The following NAV2 variants were observed in gnomAD, a reference collection of about 807,000 sequenced individuals.
NAV2 encodes helicase, APC down-regulated 1.
Under a neutral mutation model 223.2 loss-of-function variants are expected in NAV2, and 54 were observed. That is an observed-to-expected ratio of 0.24 (90% CI 0.19 to 0.30). The LOEUF (loss-of-function observed/expected upper bound fraction) is 0.30, where lower values mean the gene tolerates loss of function less well. NAV2 is among the 10% of genes least tolerant of loss of function. NAV2 has a pLI of 1.00. For synonymous variants in NAV2, 1,279 were observed against 1,239.3 expected, an observed-to-expected ratio of 1.03 and a Z score of -0.67; for missense variants, 2,806 against 3,147.5, an observed-to-expected ratio of 0.89 and a Z score of 2.60.
intron 1 of NAV2, among the ~76,000 whole-genome samples, chr11:19,595,768 C>T (rs555318657): frequency 6.6e-6 from 1 of 152,046 alleles, no homozygotes; most frequent in East Asian, 1.9e-4. Flanking sequence ...CACTATGTTG[C>T]CCAGGCTGGT....
chr11:20,013,391 T>C (rs2053733352), intron 11 of NAV2, among the ~76,000 whole-genome samples: 1 of 152,010 alleles, frequency 6.6e-6, no homozygotes, highest in African/African-American at 2.4e-5. Context: ...ATGGAAGGAG[T>C]TTAATTCTTA....
chr11:20,090,579 A>C (rs1203094289), intron 26 of NAV2, among the ~76,000 whole-genome samples: 1 of 152,248 alleles, frequency 6.6e-6, no homozygotes. Context: ...GGAACAAAGA[A>C]AAAGGACAAC....
intron 12 of NAV2, among the ~76,000 whole-genome samples, chr11:20,039,255 C>T (rs2056687832): frequency 6.6e-6 from 1 of 152,208 alleles, no homozygotes; most frequent in Admixed American, 6.5e-5. Context: ...TCTCTCCGAG[C>T]CCCTGCCTCC....
Position 19,880,105 on chromosome 11 carries a change from G to C in NAV2, c.748G>C (p.Ala250Pro), listed in dbSNP as rs1230016493. 6.2e-7 allele frequency: 1 copy of C among 1,601,344 alleles called. No homozygotes were observed. Among genetic ancestry groups the C allele is most frequent in the South Asian group, 1.1e-5 (1 of 89,532 alleles). Residue 250 changes from alanine to proline, a missense_variant, in exon 5 of 38, where the codon GCA (alanine) becomes CCA (proline). Ala to Pro is a conservative substitution (Grantham distance 27). Coordinates refer to ENST00000349880, the MANE Select transcript of NAV2 (RefSeq NM_145117.5). ...HQPAPHQQSK[A>P]QAEMQSRLPG... ...GCCAGCGCCACATCAGCAGTCAAAA[G>C]CACAAGCTGAAATGCAGTCCAGGTG... is the stretch of plus-strand genomic sequence containing the variant.
intron 17 of NAV2, 150 bp from the exon 18 acceptor site, chr11:20,053,930 C>T (rs2058191921): frequency 1.2e-6 from 1 of 805,282 alleles, no homozygotes; most frequent in South Asian, 1.8e-5. Flanking sequence ...TGAGAAACTT[C>T]ATAAGTTTCA....
At chr11:19,948,668 A>G (rs2047136560) in intron 9 of NAV2, 23 bp from the exon 10 acceptor site, 2 of 1,540,880 alleles carry the variant, frequency 1.3e-6, no homozygotes, top group Non-Finnish European at 1.8e-6. Context: ...CTTTGAGTCT[A>G]ATCAGGTTGG....
At chr11:19,386,511 A>T (rs190267485) in intron 1 of NAV2, among the ~76,000 whole-genome samples, 1 of 152,308 alleles carries the variant, frequency 6.6e-6, no homozygotes, top group East Asian at 1.9e-4. Context: ...GAGGCATAAG[A>T]TGCACTCCAA....
intron 1 of NAV2, among the ~76,000 whole-genome samples, chr11:19,447,931 A>G (rs1313867530): frequency 3.9e-5 from 6 of 152,106 alleles, no homozygotes; most frequent in Admixed American, 3.9e-4. Flanking sequence ...AGCTCAGAAC[A>G]CACAAATCCA....
At chr11:20,025,921 G>A (rs1377407378) in intron 11 of NAV2, among the ~76,000 whole-genome samples, 2 of 152,176 alleles carry the variant, frequency 1.3e-5, no homozygotes, top group African/African-American at 2.4e-5. Flanking sequence ...CAACTGACAT[G>A]CATGGACTCT....
In NAV2 at chr11:19,998,531, C is replaced by A. The variant is rs551127898; in HGVS notation, c.2768+14284C>A. 1.3e-4 allele frequency among the ~76,000 whole-genome samples: 20 copies of A among 152,274 alleles called. No individual in the cohort carries two copies. In the South Asian group the frequency reaches 4.1e-3, roughly 32 times the overall value. On this transcript the variant is annotated intron_variant, in intron 11 of 37. Transcript: ENST00000349880. This position sits in a 1 kb window ranked among gnomAD's most constrained non-coding sequence, Gnocchi z 5.0. ...TTGCACCTAGAATAAAGGTCAGACT[C>A]CTTGCCGTGGCCTCCAAGGGGGTGT...
chr11:19,944,509 CT>C (rs2153348601), intron 8 of NAV2, among the ~76,000 whole-genome samples: 1 of 146,606 alleles, frequency 6.8e-6, no homozygotes, highest in African/African-American at 2.5e-5. Context: ...CCTCTTTCCC[CT>C]TTCCCCTTTC....
intron 22 of NAV2, among the ~76,000 whole-genome samples, chr11:20,075,209 G>T (rs113762117): frequency 0.033 from 3,416 of 104,912 alleles, 121 homozygotes; most frequent in African/African-American, 0.11. Context: ...CATGTTTTTT[G>T]TTTTTTTGTT....
intron 1 of NAV2, among the ~76,000 whole-genome samples, chr11:19,355,340 G>T (rs1051805569): frequency 6.6e-6 from 1 of 151,346 alleles, no homozygotes; most frequent in African/African-American, 2.4e-5. Flanking sequence ...CAACTTCTCA[G>T]CATGAAAGCT....
chr11:19,423,893 T>C (rs984504257), intron 1 of NAV2, among the ~76,000 whole-genome samples: 1 of 152,136 alleles, frequency 6.6e-6, no homozygotes. Flanking sequence ...GGAAGTTCTC[T>C]AGGAGCTGAG....
chr11:19,529,669 G>C (rs2043962061), intron 1 of NAV2, among the ~76,000 whole-genome samples: 1 of 152,228 alleles, frequency 6.6e-6, no homozygotes, highest in Non-Finnish European at 1.5e-5. Context: ...CAGCACAGAG[G>C]TCCAGGGTTC....
At chr11:19,371,428 G>A (rs1848465853) in intron 1 of NAV2, among the ~76,000 whole-genome samples, 1 of 152,158 alleles carries the variant, frequency 6.6e-6, no homozygotes, top group South Asian at 2.1e-4. Flanking sequence ...AAAAAGGGAA[G>A]CAACTTGCCC....
intron 34 of NAV2, among the ~76,000 whole-genome samples, chr11:20,104,036 C>A (rs1176783473): frequency 6.6e-6 from 1 of 152,194 alleles, no homozygotes; most frequent in African/African-American, 2.4e-5. Flanking sequence ...GTCAAGGGGG[C>A]AGCTCTGGAA....
intron 36 of NAV2, among the ~76,000 whole-genome samples, chr11:20,109,879 CTG>C (rs1200439660): frequency 6.6e-6 from 1 of 152,262 alleles, no homozygotes; most frequent in Non-Finnish European, 1.5e-5. Flanking sequence ...GGGAGCCTGT[CTG>C]TGCTCCAGCC....
chr11:19,426,190 T>G (rs1850818120), intron 1 of NAV2, among the ~76,000 whole-genome samples: 1 of 152,152 alleles, frequency 6.6e-6, no homozygotes. Context: ...GCCTCTCCAG[T>G]GCTCCTAGCG....
Sources: allele counts gnomAD v4.1 joint callset (sites outside exome capture counted in the v4.1 genomes callset), GRCh38; gene constraint gnomAD v4.1.1; non-coding constraint Gnocchi (gnomAD v3.1); transcripts MANE v1.5; gene names NCBI Gene and HGNC (gene_info 2026-07-23, HGNC 2026-07-21).